Variants in EPS15 observed in about 807,000 individuals in gnomAD.
EPS15 encodes the protein epidermal growth factor receptor substrate 15.
In EPS15, 72 loss-of-function variants were observed where a neutral mutation model predicts 113.8. The ratio of observed to expected loss-of-function variants is 0.63; its 90% CI spans 0.52 to 0.77. The LOEUF is 0.77. Ranked by LOEUF, EPS15 falls within the 30% of genes least tolerant of loss-of-function variation. The pLI is 0.00. For missense variants in EPS15, 1,048 were observed against 1,045.8 expected, an observed-to-expected ratio of 1.00 and a Z score of -0.03; for synonymous variants, 344 against 363.4, an observed-to-expected ratio of 0.95 and a Z score of 0.61.
At chr1:51,426,428 T>C (rs1427358747) in intron 12 of EPS15, among the ~76,000 whole-genome samples, 1 of 147,954 alleles carries the variant, frequency 6.8e-6, no homozygotes, top group African/African-American at 2.5e-5. Flanking sequence ...GATAAAAAGC[T>C]AGCATTCTAG....
intron 21 of EPS15, among the ~76,000 whole-genome samples, chr1:51,385,812 T>C (rs1647052636): frequency 6.6e-6 from 1 of 152,024 alleles, no homozygotes; most frequent in South Asian, 2.1e-4. Flanking sequence ...AAAATATGAA[T>C]TTTTTTTATG....
intron 12 of EPS15, among the ~76,000 whole-genome samples, chr1:51,437,989 A>C (rs1652295172): frequency 6.6e-6 from 1 of 152,220 alleles, no homozygotes; most frequent in South Asian, 2.1e-4. Context: ...GTTATTCACA[A>C]GAATAAAAAC....
At chr1:51,461,551 T>A (rs1654456350) in intron 7 of EPS15, among the ~76,000 whole-genome samples, 1 of 145,504 alleles carries the variant, frequency 6.9e-6, no homozygotes, top group Admixed American at 6.9e-5. Flanking sequence ...AAAAAAAGTG[T>A]ACTGTTGAGA....
chr1:51,429,471 G>T (rs954562642), intron 12 of EPS15, among the ~76,000 whole-genome samples: 1 of 151,668 alleles, frequency 6.6e-6, no homozygotes, highest in East Asian at 1.9e-4. Context: ...TATATTTTAT[G>T]ATAATAAAAA....
At position 51,444,903 on chromosome 1, in the gene EPS15, C is replaced by T. The variant is rs552295084; in HGVS notation, c.940G>A (p.Ala314Thr). Residue 314 changes from alanine to threonine, a missense_variant, in exon 11 of 25, where the codon GCC becomes ACC. Physicochemically the swap from Ala to Thr is moderately conservative, Grantham distance 58. Coordinates refer to ENST00000371733, the MANE Select transcript of EPS15 (RefSeq NM_001981.3). ...TPEMIPPSDR[A>T]SLQKNIIGSS... ...AGCTTTCTTACCTTTTGTAAACTGG[C>T]CCTGTCTGATGGTGGAATCATTTCA... is the stretch of plus-strand genomic sequence containing the variant. 2.5e-6 allele frequency: 4 copies of T among 1,613,680 alleles called. No individual in the cohort carries two copies. In the South Asian group the frequency reaches 4.4e-5, roughly 18 times the overall value.
At chr1:51,407,489 C>A (rs975968705) in intron 15 of EPS15, among the ~76,000 whole-genome samples, 4 of 152,170 alleles carry the variant, frequency 2.6e-5, no homozygotes, top group Non-Finnish European at 5.9e-5. Flanking sequence ...TGGGCCACCA[C>A]CATGCCGAGC....
chr1:51,496,111 T>G (rs934353046), intron 1 of EPS15, among the ~76,000 whole-genome samples: 1 of 152,188 alleles, frequency 6.6e-6, no homozygotes, highest in Admixed American at 6.5e-5. Context: ...CAAGTACTAG[T>G]CTAGGCACTT....
Position 51,402,519 on chromosome 1 carries a change from G to T in EPS15, c.1798C>A (p.Pro600Thr), listed in dbSNP as rs201356916. ...DNNRHSKEED[P>T]FNVDSSSLTG... The stretch of plus-strand genomic sequence containing the variant: ...AGCGAACTTGAGTCTACATTAAATG[G>T]ATCTTCCTAAAAATAATTTTAAATT... Residue 600 changes from proline (P) to threonine (T), a missense_variant, in exon 18 of 25, where the codon CCA becomes ACA. Pro to Thr is a conservative substitution (Grantham distance 38, BLOSUM62 -1). Transcript: ENST00000371733. The T allele has an allele frequency of 2.0e-6, 3 of 1,491,082 alleles. No individual in the cohort carries two copies. Among genetic ancestry groups the T allele is most frequent in the East Asian group, 4.6e-5 (2 of 43,466 alleles). 92.4% of individuals were successfully genotyped at this position (1,491,082 alleles called of 1,614,324 possible). A position where few individuals can be genotyped will look rare whatever the true frequency, so the allele number is the denominator to read the frequency against.
At position 51,457,137 on chromosome 1, in the gene EPS15, A is replaced by G. The variant is rs538376423; in HGVS notation, c.561+3954T>C. Among the ~76,000 whole-genome samples, 10 of 152,188 alleles carry G rather than the reference A, an allele frequency of 6.6e-5. No individual in the cohort carries two copies. The South Asian group carries it at 2.1e-3, about 32-fold the overall frequency. On this transcript the variant is annotated intron_variant, in intron 8 of 24. Transcript: ENST00000371733. ...CGTCTCTACTAAAAATACAAAAAAA[A>G]TTAGCCAGGCGTGGTGGCGGGCGCC...
At chr1:51,418,942 A>C (rs1650495813) in intron 13 of EPS15, among the ~76,000 whole-genome samples, 1 of 152,168 alleles carries the variant, frequency 6.6e-6, no homozygotes. Context: ...ATAAAGTTCT[A>C]CTCAAAACTG....
chr1:51,487,932 T>G (rs574897257), intron 1 of EPS15, among the ~76,000 whole-genome samples: 1 of 152,158 alleles, frequency 6.6e-6, no homozygotes, highest in South Asian at 2.1e-4. Context: ...ATGAACATGA[T>G]CACTTTTTAG....
chr1:51,436,023 T>C (rs1303593234), intron 12 of EPS15, among the ~76,000 whole-genome samples: 2 of 152,180 alleles, frequency 1.3e-5, no homozygotes, highest in Non-Finnish European at 2.9e-5. Flanking sequence ...CCATCTATCA[T>C]ACGACTGGAG....
At chr1:51,412,197 G>A (rs541861809) in intron 13 of EPS15, among the ~76,000 whole-genome samples, 5 of 152,242 alleles carry the variant, frequency 3.3e-5, no homozygotes, top group East Asian at 3.9e-4. Context: ...ATCACACACC[G>A]GGGCCTGTCG....
chr1:51,379,599 T>C (rs1379273295), intron 21 of EPS15, among the ~76,000 whole-genome samples: 2 of 152,202 alleles, frequency 1.3e-5, no homozygotes, highest in Non-Finnish European at 2.9e-5. Flanking sequence ...GAATGGTTCA[T>C]TACCACTAGA....
At chr1:51,481,682 T>C (rs549350971) in intron 1 of EPS15, among the ~76,000 whole-genome samples, 3 of 152,332 alleles carry the variant, frequency 2.0e-5, no homozygotes, top group Non-Finnish European at 4.4e-5. Flanking sequence ...TCTACCCAAG[T>C]ACCCAAAGTA....
chr1:51,404,632 CG>C, intron 16 of EPS15, among the ~76,000 whole-genome samples: 1 of 152,188 alleles, frequency 6.6e-6, no homozygotes, highest in South Asian at 2.1e-4. Flanking sequence ...AAGTTAATCA[CG>C]TCACTTCTTG....
chr1:51,448,210 A>G, intron 8 of EPS15, 75 bp from the exon 9 acceptor site: 1 of 821,798 alleles, frequency 1.2e-6, no homozygotes, highest in Admixed American at 2.4e-5. Context: ...TTATTGTTCA[A>G]TGATAAATCA....
At chr1:51,454,589 G>T (rs552259082) in intron 8 of EPS15, among the ~76,000 whole-genome samples, 1 of 152,316 alleles carries the variant, frequency 6.6e-6, no homozygotes, top group South Asian at 2.1e-4. Context: ...ACAAACCTAA[G>T]TTGGGAGACA....
chr1:51,458,557 C>T lies in EPS15; in HGVS notation c.561+2534G>A, dbSNP rs146587467. ...CTCGAGACCAGTCTGGCAAACACGG[C>T]GAAACGCTGTCTCTACTAAAAATAT... is the stretch of plus-strand genomic sequence containing the variant. On this transcript the variant is annotated intron_variant, in intron 8 of 24. Transcript: ENST00000371733. The T allele has an allele frequency of 1.6e-3, 702 of 443,406 alleles. 3 individuals carry two copies. Among genetic ancestry groups the T allele is most frequent in the African/African-American group, 0.013 (643 of 48,348 alleles). 27.5% of individuals were successfully genotyped at this position (443,406 alleles called of 1,614,324 possible).
Sources: allele counts gnomAD v4.1 joint callset (sites outside exome capture counted in the v4.1 genomes callset), GRCh38; gene constraint gnomAD v4.1.1; transcripts MANE v1.5; gene names NCBI Gene and HGNC (gene_info 2026-07-23, HGNC 2026-07-21).